Variants in RGS7BP observed in about 807,000 individuals in gnomAD.
RGS7BP encodes regulator of G protein signaling 7 binding protein, also known as regulator of G protein signaling 7-binding protein.
Under a neutral mutation model 31.3 loss-of-function variants are expected in RGS7BP, and 9 were observed. The observed-to-expected ratio is 0.29, with a 90% confidence interval of 0.17 to 0.50. The LOEUF is 0.50. Ranked by LOEUF, RGS7BP falls within the 20% of genes least tolerant of loss-of-function variation. RGS7BP has a pLI of 0.98. For synonymous variants in RGS7BP, 115 were observed against 120.1 expected, an observed-to-expected ratio of 0.96 and a Z score of 0.28; for missense variants, 274 against 322.0, an observed-to-expected ratio of 0.85 and a Z score of 1.14.
chr5:64,583,642 C>A (rs1452826587), intron 3 of RGS7BP, among the ~76,000 whole-genome samples: 1 of 152,142 alleles, frequency 6.6e-6, no homozygotes, highest in African/African-American at 2.4e-5. Context: ...TTTGGAAGGG[C>A]TGGTCAAAGT....
At chr5:64,589,924 C>CA (rs77321289) in intron 3 of RGS7BP, among the ~76,000 whole-genome samples, 375 of 104,368 alleles carry the variant, frequency 3.6e-3, no homozygotes, top group South Asian at 0.033. Context: ...GACCCTGACT[C>CA]AAAAAAAAAA....
At chr5:64,517,403 C>T (rs1028520960) in intron 2 of RGS7BP, among the ~76,000 whole-genome samples, 29 of 152,290 alleles carry the variant, frequency 1.9e-4, no homozygotes, top group Admixed American at 1.7e-3. Flanking sequence ...AAACAACTAA[C>T]GATCTCTGTC....
At position 64,506,709 on chromosome 5, in the gene RGS7BP, C is replaced by A; in HGVS notation, c.85C>A (p.Gln29Lys). The part of the protein sequence containing the change: ...SIFQISKPPL[Q>K]SGDWERRGSG... ...CTTCCAGATCAGCAAGCCCCCGCTG[C>A]AGAGCGGAGATTGGGAGCGCAGGGG... The change falls in exon 1 of 6, where the codon CAG becomes AAG. Residue 29 changes from glutamine (Q) to lysine (K), a missense_variant. Physicochemically the swap from Gln to Lys is moderately conservative, Grantham distance 53 (BLOSUM62 1). Coordinates refer to ENST00000334025, the MANE Select transcript of RGS7BP (RefSeq NM_001029875.3). This position sits in a 1 kb window ranked among gnomAD's most constrained non-coding sequence, Gnocchi z 4.6. 1 of 1,613,334 alleles carries A rather than the reference C, an allele frequency of 6.2e-7. No homozygotes were observed. Among genetic ancestry groups the A allele is most frequent in the Non-Finnish European group, 8.5e-7 (1 of 1,179,386 alleles).
chr5:64,557,181 G>A (rs901916418), intron 2 of RGS7BP, among the ~76,000 whole-genome samples: 1 of 152,064 alleles, frequency 6.6e-6, no homozygotes, highest in African/African-American at 2.4e-5. Context: ...TAAATTCTTG[G>A]GAAAGAATGG....
At chr5:64,520,876 A>T (rs1490388138) in intron 2 of RGS7BP, among the ~76,000 whole-genome samples, 1 of 152,220 alleles carries the variant, frequency 6.6e-6, no homozygotes, top group Non-Finnish European at 1.5e-5. Flanking sequence ...ACTCCTAAGG[A>T]AGTAACATTG....
At chr5:64,597,262 C>T (rs1304684099) in intron 4 of RGS7BP, among the ~76,000 whole-genome samples, 1 of 152,038 alleles carries the variant, frequency 6.6e-6, no homozygotes, top group Non-Finnish European at 1.5e-5. Flanking sequence ...TGGCTTCCTG[C>T]TTTACAATTC....
At chr5:64,514,234 C>A (rs1309682078) in intron 2 of RGS7BP, among the ~76,000 whole-genome samples, 3 of 152,074 alleles carry the variant, frequency 2.0e-5, no homozygotes, top group African/African-American at 7.3e-5. Context: ...TGAACTCATC[C>A]TAGCTTAATT....
At chr5:64,558,632 AATG>A (rs1741980622) in intron 2 of RGS7BP, among the ~76,000 whole-genome samples, 1 of 152,108 alleles carries the variant, frequency 6.6e-6, no homozygotes, top group Admixed American at 6.6e-5. Context: ...GAATAATAGC[AATG>A]TTCAGGGAAC....
At chr5:64,525,364 C>T (rs1228323794) in intron 2 of RGS7BP, among the ~76,000 whole-genome samples, 2 of 152,170 alleles carry the variant, frequency 1.3e-5, no homozygotes, top group Admixed American at 6.5e-5. Flanking sequence ...CTTATGAAGT[C>T]CCTTACAGGG....
At chr5:64,522,490 T>C (rs540541953) in intron 2 of RGS7BP, among the ~76,000 whole-genome samples, 1 of 152,326 alleles carries the variant, frequency 6.6e-6, no homozygotes, top group South Asian at 2.1e-4. Flanking sequence ...CTCCCATGCA[T>C]GTCTTTCCAC....
intron 2 of RGS7BP, among the ~76,000 whole-genome samples, chr5:64,553,424 G>A (rs955480498): frequency 2.0e-5 from 3 of 151,802 alleles, no homozygotes; most frequent in East Asian, 1.9e-4. Flanking sequence ...CACCTGCCTC[G>A]GTCTCCCAAA....
chr5:64,548,501 G>A (rs376572368), intron 2 of RGS7BP, among the ~76,000 whole-genome samples: 4 of 152,018 alleles, frequency 2.6e-5, no homozygotes, highest in African/African-American at 9.7e-5. Flanking sequence ...CAACCAACCT[G>A]TTCTCTTTTT....
intron 2 of RGS7BP, among the ~76,000 whole-genome samples, chr5:64,537,057 G>A (rs965740916): frequency 7.9e-5 from 12 of 152,062 alleles, no homozygotes; most frequent in Admixed American, 6.6e-5. Flanking sequence ...TTTATGTGTC[G>A]CTTCTCAGCC....
rs1296700397 is a variant in RGS7BP, at chr5:64,612,216, A to G, written c.*2964A>G. The stretch of plus-strand genomic sequence containing the variant: ...TTAAAACCACATTTCTGGGTTTTAA[A>G]TCAGTCAGTGGCTGGGCCCAAAGGC... On this transcript the variant is annotated 3_prime_UTR_variant, in exon 6 of 6. Coordinates refer to ENST00000334025, the MANE Select transcript of RGS7BP (RefSeq NM_001029875.3). The G allele has an allele frequency of 6.6e-5, 10 of 152,252 alleles. No homozygotes were observed. Among genetic ancestry groups the G allele is most frequent in the African/African-American group, 1.2e-4 (5 of 41,376 alleles). 9.4% of individuals were successfully genotyped at this position (152,252 alleles called of 1,614,324 possible). A position where few individuals can be genotyped will look rare whatever the true frequency, so the allele number is the denominator to read the frequency against.
At chr5:64,535,574 T>C (rs1269785725) in intron 2 of RGS7BP, among the ~76,000 whole-genome samples, 1 of 152,208 alleles carries the variant, frequency 6.6e-6, no homozygotes, top group Non-Finnish European at 1.5e-5. Flanking sequence ...AAAGAAAGGT[T>C]GATTATTAAA....
intron 2 of RGS7BP, among the ~76,000 whole-genome samples, chr5:64,569,862 TACC>T (rs1742263467): frequency 6.6e-6 from 1 of 152,178 alleles, no homozygotes; most frequent in Non-Finnish European, 1.5e-5. Flanking sequence ...AAGCAAATGA[TACC>T]ATCCCCTTCC....
chr5:64,567,200 G>A (rs999071422), intron 2 of RGS7BP, among the ~76,000 whole-genome samples: 1 of 151,752 alleles, frequency 6.6e-6, no homozygotes, highest in Admixed American at 6.6e-5. Flanking sequence ...CACTAATGCG[G>A]TCCATGTTTG....
At position 64,506,682 on chromosome 5, in the gene RGS7BP, A is replaced by G. The variant is rs765976230; in HGVS notation, c.58A>G (p.Ile20Val). Residue 20 changes from isoleucine (I) to valine (V), a missense_variant, in exon 1 of 6, where the codon ATC becomes GTC. Transcript: ENST00000334025. This position sits in a 1 kb window ranked among gnomAD's most constrained non-coding sequence, Gnocchi z 4.6. ...KRPSRSTRSS[I>V]FQISKPPLQS... ...CCCCAGCCGGTCCACCCGCTCCTCG[A>G]TCTTCCAGATCAGCAAGCCCCCGCT... 1.9e-6 allele frequency: 3 copies of G among 1,613,188 alleles called. No individual in the cohort carries two copies.
chr5:64,517,679 C>G (rs1749011340), intron 2 of RGS7BP, among the ~76,000 whole-genome samples: 1 of 152,064 alleles, frequency 6.6e-6, no homozygotes, highest in Admixed American at 6.6e-5. Context: ...GGGAAAGCGT[C>G]CAGAAAGGAT....
Sources: allele counts gnomAD v4.1 joint callset (sites outside exome capture counted in the v4.1 genomes callset), GRCh38; gene constraint gnomAD v4.1.1; non-coding constraint Gnocchi (gnomAD v3.1); transcripts MANE v1.5; gene names NCBI Gene and HGNC (gene_info 2026-07-23, HGNC 2026-07-21).